ABCC1: variants seen among roughly 807,000 people sequenced by gnomAD.
ABCC1 encodes multidrug resistance-associated protein 1.
In ABCC1, 83 loss-of-function variants were observed where a neutral mutation model predicts 172.9. The ratio of observed to expected loss-of-function variants is 0.48; its 90% confidence interval spans 0.40 to 0.58. ABCC1 has a LOEUF of 0.58. ABCC1 is among the 20% of genes least tolerant of loss of function. The probability of loss-of-function intolerance (pLI) is 0.00; values close to 1 mark genes in which losing one functional copy is unlikely to be tolerated. For synonymous variants in ABCC1, 937 were observed against 825.2 expected, an observed-to-expected ratio of 1.14 and a Z score of -2.32; for missense variants, 1,817 against 2,002.7, an observed-to-expected ratio of 0.91 and a Z score of 1.77.
At chr16:16,107,250 A>G (rs1187344882) in intron 21 of ABCC1, among the ~76,000 whole-genome samples, 2 of 152,098 alleles carry the variant, frequency 1.3e-5, no homozygotes, top group African/African-American at 2.4e-5. Flanking sequence ...TTGTGCACAG[A>G]CGCATTAAAT....
intron 1 of ABCC1, among the ~76,000 whole-genome samples, chr16:15,966,842 G>T (rs2046254769): frequency 6.6e-6 from 1 of 151,838 alleles, no homozygotes; most frequent in Non-Finnish European, 1.5e-5. Flanking sequence ...TAGAGATGAG[G>T]TCTTGCCCTG....
intron 19 of ABCC1, among the ~76,000 whole-genome samples, chr16:16,096,194 A>C (rs962168272): frequency 4.6e-5 from 7 of 151,638 alleles, no homozygotes; most frequent in African/African-American, 1.7e-4. Context: ...GTGCCACTGC[A>C]CTCTAGCCTG....
At chr16:16,134,235 G>A (rs568290756) in intron 27 of ABCC1, 115 bp from the exon 28 acceptor site, 43 of 1,350,284 alleles carry the variant, frequency 3.2e-5, no homozygotes, top group African/African-American at 4.3e-5. Flanking sequence ...GGGCTGTCGA[G>A]TTGGGTTGAC....
At chr16:16,091,054 G>A (rs2051234176) in intron 19 of ABCC1, among the ~76,000 whole-genome samples, 2 of 152,004 alleles carry the variant, frequency 1.3e-5, no homozygotes, top group Admixed American at 6.6e-5. Flanking sequence ...TTCAATCCCC[G>A]GCCGCTCATC....
intron 5 of ABCC1, among the ~76,000 whole-genome samples, chr16:16,029,716 T>A (rs919424191): frequency 1.3e-5 from 2 of 152,356 alleles, no homozygotes; most frequent in Middle Eastern, 3.4e-3. Context: ...ATAAGAATTT[T>A]AAAAACTGTA....
chr16:16,079,554 C>G (rs2050723960), intron 16 of ABCC1, 76 bp downstream of exon 16: 1 of 1,531,670 alleles, frequency 6.5e-7, no homozygotes, highest in Admixed American at 2.0e-5. Context: ...GATGGTGTTT[C>G]TTTTGACTGT....
At chr16:16,034,959 A>G (rs531779223) in intron 6 of ABCC1, among the ~76,000 whole-genome samples, 6 of 152,300 alleles carry the variant, frequency 3.9e-5, no homozygotes, top group African/African-American at 7.2e-5. Context: ...GTGCATGTCA[A>G]TGGATACAGA....
chr16:15,956,145 AG>A (rs2045992586), intron 1 of ABCC1, among the ~76,000 whole-genome samples: 1 of 152,138 alleles, frequency 6.6e-6, no homozygotes. Context: ...AGGCCAAGGC[AG>A]GCAGATCACT....
Position 16,045,989 on chromosome 16 carries a change from T to C in ABCC1, c.1194T>C (p.Ala398=). 1 of 1,614,140 alleles carries C rather than the reference T, an allele frequency of 6.2e-7. No homozygotes were observed. The highest frequency in any genetic ancestry group is 1.1e-5 in the South Asian group (1 of 91,070). The change falls in exon 9 of 31, where the codon GCT becomes GCC. Residue 398 remains alanine (A), a synonymous_variant. Coordinates refer to ENST00000399410, the MANE Select transcript of ABCC1 (RefSeq NM_004996.4). ...CFVSGMRIKT[A]VIGAVYRKAL... is the part of the protein sequence containing the mutation. ...TCAGTGGCATGAGGATCAAGACCGCTGTCATTGGGGCTGTCTATCGGAAGG... is the reference window on the plus strand; with the variant it reads ...TCAGTGGCATGAGGATCAAGACCGCCGTCATTGGGGCTGTCTATCGGAAGG...
chr16:15,996,765 A>G (rs958673535), intron 1 of ABCC1, among the ~76,000 whole-genome samples: 3 of 152,118 alleles, frequency 2.0e-5, no homozygotes, highest in Admixed American at 6.6e-5. Flanking sequence ...GAGGACTTCC[A>G]TGATAATCAG....
At chr16:16,031,855 T>C (rs2048570380) in intron 5 of ABCC1, among the ~76,000 whole-genome samples, 2 of 152,168 alleles carry the variant, frequency 1.3e-5, no homozygotes, top group South Asian at 4.2e-4. Flanking sequence ...TTTGCATTTG[T>C]TCATGTGATC....
intron 4 of ABCC1, among the ~76,000 whole-genome samples, chr16:16,015,810 G>A (rs954340463): frequency 4.6e-5 from 7 of 152,186 alleles, no homozygotes; most frequent in African/African-American, 1.7e-4. Flanking sequence ...TTACCACAAA[G>A]AAGATATCCC....
chr16:16,065,977 G>A (rs541668400), intron 12 of ABCC1, among the ~76,000 whole-genome samples: 2 of 151,914 alleles, frequency 1.3e-5, no homozygotes, highest in South Asian at 4.2e-4. Context: ...CACCCAGTGG[G>A]TTTTTTGTAT....
chr16:15,972,787 C>CTTTTTTTTTTTTT (rs35086205), intron 1 of ABCC1, among the ~76,000 whole-genome samples: 4 of 89,332 alleles, frequency 4.5e-5, no homozygotes, highest in Non-Finnish European at 6.1e-5. Context: ...TATTTTTTAA[C>CTTTTTTTTTTTTT]TTTTTTTTTT....
intron 8 of ABCC1, among the ~76,000 whole-genome samples, 179 bp downstream of exon 8, chr16:16,044,859 A>G (rs1490505707): frequency 2.0e-5 from 3 of 152,080 alleles, no homozygotes; most frequent in Non-Finnish European, 4.4e-5. Context: ...TTTGTTGGTC[A>G]GGCTGGTCTC....
At chr16:16,083,276 C>A in intron 16 of ABCC1, 90 bp from the exon 17 acceptor site, 2 of 1,300,638 alleles carry the variant, frequency 1.5e-6, no homozygotes, top group South Asian at 1.3e-5. Context: ...TGAAGTGAGG[C>A]CCTCCTAGCA....
chr16:16,096,776 TAC>T (rs1413991606), intron 19 of ABCC1, among the ~76,000 whole-genome samples: 2 of 152,168 alleles, frequency 1.3e-5, no homozygotes, highest in African/African-American at 2.4e-5. Context: ...GGCAACGGAA[TAC>T]ACAGACCCGG....
chr16:15,972,787 CTTT>C (rs35086205), intron 1 of ABCC1, among the ~76,000 whole-genome samples: 67 of 89,324 alleles, frequency 7.5e-4, no homozygotes, highest in African/African-American at 2.7e-3. Flanking sequence ...TATTTTTTAA[CTTT>C]TTTTTTTTTT....
intron 21 of ABCC1, among the ~76,000 whole-genome samples, chr16:16,107,133 A>T (rs1468074675): frequency 1.3e-5 from 2 of 151,974 alleles, no homozygotes; most frequent in African/African-American, 4.8e-5. Context: ...TGCTCTATTG[A>T]CTGCCTGAGC....
Sources: gnomAD v4.1 joint callset for allele counts (sites outside exome capture counted in the v4.1 genomes callset) on GRCh38, gnomAD v4.1.1 for gene constraint, MANE v1.5 for transcripts, NCBI Gene and HGNC (gene_info 2026-07-23, HGNC 2026-07-21) for gene names.